ABI3BP: variants seen among roughly 807,000 people sequenced by gnomAD.
ABI3BP encodes the protein target of Nesh-SH3.
In ABI3BP, 216 loss-of-function variants were observed where a neutral mutation model predicts 268.6. The ratio of observed to expected loss-of-function variants is 0.80; its 90% CI spans 0.72 to 0.90. ABI3BP has a LOEUF of 0.90. ABI3BP is among the 40% of genes least tolerant of loss of function. ABI3BP has a pLI of 0.00. For synonymous variants in ABI3BP, 730 were observed against 730.0 expected (o/e 1.00, Z 0.00); for missense variants, 2,090 against 2,182.4 (o/e 0.96, Z 0.84).
intron 6 of ABI3BP, among the ~76,000 whole-genome samples, chr3:100,879,145 G>T (rs9878937): frequency 0.62 from 93,911 of 152,026 alleles, 32,080 homozygotes; most frequent in Non-Finnish European, 0.76. Context: ...CTTCCTACCC[G>T]TTGTCAATAT....
chr3:100,870,993 T>C (rs1262634030), intron 9 of ABI3BP, among the ~76,000 whole-genome samples: 1 of 152,074 alleles, frequency 6.6e-6, no homozygotes, highest in Non-Finnish European at 1.5e-5. Context: ...AAAAGTCACA[T>C]ATATAGAGAA....
Position 100,948,439 on chromosome 3 carries a change from AAGTCCTTACTGCAAAC to A in ABI3BP, c.80-21974_80-21959del, listed in dbSNP as rs753546227. 8.5e-4 allele frequency among the ~76,000 whole-genome samples: 129 copies of A among 152,354 alleles called. 1 individual carries two copies. Among genetic ancestry groups the A allele is most frequent in the South Asian group, 2.7e-3 (13 of 4,822 alleles). On this transcript the variant is annotated intron_variant, in intron 1 of 67. Coordinates refer to ENST00000471714, the MANE Select transcript of ABI3BP (RefSeq NM_001375547.2). ...AGTTTAAATGGAATTCGATCCATAC[AAGTCCTTACTGCAAAC>A]AGAATGTGTTACTAAAATCAGTTGT...
chr3:100,870,738 A>C (rs966567920), intron 9 of ABI3BP, among the ~76,000 whole-genome samples: 5 of 152,216 alleles, frequency 3.3e-5, no homozygotes, highest in African/African-American at 1.2e-4. Context: ...ATAGAGATAC[A>C]TACAGTCCCA....
At chr3:100,974,195 G>A (rs1340443353) in intron 1 of ABI3BP, among the ~76,000 whole-genome samples, 1 of 152,110 alleles carries the variant, frequency 6.6e-6, no homozygotes, top group Non-Finnish European at 1.5e-5. Context: ...AGGAAAAACA[G>A]TTTGATGTTT....
intron 30 of ABI3BP, among the ~76,000 whole-genome samples, chr3:100,832,909 T>A (rs1457854409): frequency 6.6e-6 from 1 of 152,176 alleles, no homozygotes; most frequent in Non-Finnish European, 1.5e-5. Context: ...GTTCAGAGAC[T>A]CAGACATGAC....
intron 4 of ABI3BP, among the ~76,000 whole-genome samples, chr3:100,888,447 G>A (rs1052344391): frequency 6.6e-6 from 1 of 152,046 alleles, no homozygotes; most frequent in Non-Finnish European, 1.5e-5. Flanking sequence ...TGCATCTCTA[G>A]TAGATACATT....
chr3:100,894,883 G>A (rs1288483492), intron 4 of ABI3BP, among the ~76,000 whole-genome samples: 1 of 133,564 alleles, frequency 7.5e-6, no homozygotes, highest in African/African-American at 2.8e-5. Flanking sequence ...AGCTTACAGT[G>A]AGCCGAGATC....
At chr3:100,935,840 T>C (rs2065881581) in intron 1 of ABI3BP, among the ~76,000 whole-genome samples, 2 of 152,190 alleles carry the variant, frequency 1.3e-5, no homozygotes, top group East Asian at 3.9e-4. Flanking sequence ...ATCCTGAGAC[T>C]TTGCTGAAGT....
At chr3:100,752,630 G>C (rs1469870180) in intron 66 of ABI3BP, 157 bp downstream of exon 66, 1 of 687,294 alleles carries the variant, frequency 1.5e-6, no homozygotes, top group East Asian at 2.6e-5. Context: ...TGCTTTCTAG[G>C]AATGATAACT....
At chr3:100,751,019 C>A (rs916513014) in intron 67 of ABI3BP, among the ~76,000 whole-genome samples, 1 of 152,026 alleles carries the variant, frequency 6.6e-6, no homozygotes, top group African/African-American at 2.4e-5. Flanking sequence ...ATTAATTTAC[C>A]CCCTTCTGCA....
At chr3:100,876,690 T>A in intron 6 of ABI3BP, 130 bp from the exon 7 acceptor site, 1 of 765,746 alleles carries the variant, frequency 1.3e-6, no homozygotes, top group Non-Finnish European at 2.1e-6. Flanking sequence ...GGTTTAATAG[T>A]TGCTGGTGGC....
intron 61 of ABI3BP, 70 bp downstream of exon 61, chr3:100,774,535 C>A: frequency 8.0e-7 from 1 of 1,247,010 alleles, no homozygotes; most frequent in East Asian, 2.6e-5. Context: ...TTTTACACAG[C>A]AATAACTGGC....
Position 100,840,117 on chromosome 3 carries a change from G to A in ABI3BP, c.1852C>T (p.Arg618Cys), listed in dbSNP as rs921841930. 94 of 1,530,356 alleles carry A rather than the reference G, an allele frequency of 6.1e-5. No homozygotes were observed. Among genetic ancestry groups the A allele is most frequent in the Non-Finnish European group, 7.7e-5 (88 of 1,144,272 alleles). 94.8% of individuals were successfully genotyped at this position (1,530,356 alleles called of 1,614,324 possible). A position where few individuals can be genotyped will look rare whatever the true frequency, so the allele number is the denominator to read the frequency against. ...RPGRRPRPRP[R>C]PKTTPSPEVP... is the part of the protein sequence containing the mutation. ...TCTGGACTAGGTGTGGTTTTAGGGC[G>A]GGGACGGGGGCGGGGGCGACGACCT... Residue 618 changes from arginine (R) to cysteine (C), a missense_variant, in exon 23 of 68, where the codon CGC (arginine) becomes TGC (cysteine). Coordinates refer to ENST00000471714, the MANE Select transcript of ABI3BP (RefSeq NM_001375547.2).
intron 51 of ABI3BP, among the ~76,000 whole-genome samples, chr3:100,804,130 C>T (rs190046301): frequency 8.5e-4 from 130 of 152,198 alleles, no homozygotes; most frequent in African/African-American, 3.0e-3. Flanking sequence ...CAGTTACCAG[C>T]GGCTTCCTAA....
intron 1 of ABI3BP, among the ~76,000 whole-genome samples, chr3:100,961,236 C>T (rs575444849): frequency 7.9e-4 from 120 of 152,330 alleles, no homozygotes; most frequent in South Asian, 2.5e-3. Flanking sequence ...CTCACTATCA[C>T]GCTTGAATTT....
intron 1 of ABI3BP, among the ~76,000 whole-genome samples, chr3:100,987,992 G>A (rs1295165406): frequency 6.6e-6 from 1 of 152,112 alleles, no homozygotes; most frequent in Admixed American, 6.5e-5. Context: ...CTTCTTTTTA[G>A]CAGCAGAACC....
At chr3:100,955,054 C>G (rs944297162) in intron 1 of ABI3BP, among the ~76,000 whole-genome samples, 1 of 127,236 alleles carries the variant, frequency 7.9e-6, no homozygotes, top group Non-Finnish European at 1.6e-5. Flanking sequence ...TAAGACATGT[C>G]TCTTCTCATA....
In ABI3BP at chr3:100,778,343, G is replaced by A. The variant is rs760656489; in HGVS notation, c.4274C>T (p.Thr1425Ile). ...TRRPPLPPRP[T>I]HPRRKPLPPN... ...TGGTAAAGGTTTTCTTCGTGGGTGTGTAGGTCTGGGTGGCAAGGGTGGGCG... is the reference window on the plus strand; with the variant it reads ...TGGTAAAGGTTTTCTTCGTGGGTGTATAGGTCTGGGTGGCAAGGGTGGGCG... The change falls in exon 59 of 68, where the codon ACA becomes ATA. Residue 1425 changes from threonine (T) to isoleucine (I), a missense_variant. Transcript: ENST00000471714. The A allele has an allele frequency of 1.2e-6, 2 of 1,613,746 alleles. No individual in the cohort carries two copies. The highest frequency in any genetic ancestry group is 4.5e-5 in the East Asian group (2 of 44,870).
chr3:100,818,751 C>T (rs970080587), intron 40 of ABI3BP, among the ~76,000 whole-genome samples, 170 bp from the exon 41 acceptor site: 1 of 152,076 alleles, frequency 6.6e-6, no homozygotes, highest in African/African-American at 2.4e-5. Flanking sequence ...TTTTAAAAGG[C>T]ACTTAGTCAC....
Sources: allele counts gnomAD v4.1 joint callset (sites outside exome capture counted in the v4.1 genomes callset), GRCh38; gene constraint gnomAD v4.1.1; transcripts MANE v1.5; gene names NCBI Gene and HGNC (gene_info 2026-07-23, HGNC 2026-07-21).